The following MTUS2 variants were observed in gnomAD, a reference collection of about 807,000 sequenced individuals.
MTUS2 encodes the protein microtubule associated scaffold protein 2, also known as microtubule-associated tumor suppressor candidate 2.
Under a neutral mutation model 114.1 loss-of-function variants are expected in MTUS2, and 40 were observed. The ratio of observed to expected loss-of-function variants is 0.35; its 90% CI spans 0.27 to 0.46. The LOEUF (loss-of-function observed/expected upper bound fraction) is 0.46, where lower values mean the gene tolerates loss of function less well. Among genes scored for constraint, MTUS2 ranks in the 20% least tolerant of loss-of-function variants. MTUS2 has a pLI of 1.00. For synonymous variants in MTUS2, 688 were observed against 672.0 expected (o/e 1.02, Z -0.37); for missense variants, 1,679 against 1,705.4 (o/e 0.98, Z 0.27).
chr13:28,897,276 CA>C (rs1182658318), intron 2 of MTUS2, among the ~76,000 whole-genome samples: 1 of 152,112 alleles, frequency 6.6e-6, no homozygotes, highest in Admixed American at 6.6e-5. Flanking sequence ...GACATTTATG[CA>C]GCCAAAAAAC....
chr13:29,444,412 CAA>C (rs1247124488), intron 9 of MTUS2, among the ~76,000 whole-genome samples: 4 of 152,044 alleles, frequency 2.6e-5, no homozygotes, highest in Non-Finnish European at 5.9e-5. Flanking sequence ...GCCTGGGCAA[CAA>C]GAGCAAAACT....
chr13:28,964,073 C>T (rs1011462873), intron 2 of MTUS2, among the ~76,000 whole-genome samples: 2 of 152,216 alleles, frequency 1.3e-5, no homozygotes, highest in African/African-American at 2.4e-5. Context: ...CTAACCATTC[C>T]ACTGAGCTCC....
intron 2 of MTUS2, among the ~76,000 whole-genome samples, chr13:28,912,778 G>T (rs1423494340): frequency 1.3e-5 from 2 of 151,916 alleles, no homozygotes; most frequent in African/African-American, 4.8e-5. Flanking sequence ...TCTTTTTGTA[G>T]CAATTGTGAA....
chr13:29,479,320 C>G (rs1176104358), intron 9 of MTUS2, among the ~76,000 whole-genome samples: 1 of 152,178 alleles, frequency 6.6e-6, no homozygotes, highest in African/African-American at 2.4e-5. Context: ...GTCTTGGAAG[C>G]AGGTGTGCAG....
chr13:29,140,837 G>T (rs924678381), intron 5 of MTUS2, among the ~76,000 whole-genome samples: 1 of 152,154 alleles, frequency 6.6e-6, no homozygotes, highest in Non-Finnish European at 1.5e-5. Flanking sequence ...CTGTGTGTCT[G>T]CAGGTGATAC....
intron 2 of MTUS2, among the ~76,000 whole-genome samples, chr13:29,024,177 T>C (rs56229632): frequency 0.079 from 11,996 of 152,252 alleles, 636 homozygotes; most frequent in African/African-American, 0.14. Context: ...TTACTTCTCC[T>C]CCATCCTTTT....
chr13:29,456,434 A>T (rs1879114861), intron 9 of MTUS2, among the ~76,000 whole-genome samples: 1 of 152,190 alleles, frequency 6.6e-6, no homozygotes. Flanking sequence ...GAAGGGAAAA[A>T]ATACTTGAAG....
At chr13:29,049,623 G>A (rs887918933) in intron 4 of MTUS2, among the ~76,000 whole-genome samples, 1 of 152,206 alleles carries the variant, frequency 6.6e-6, no homozygotes, top group Non-Finnish European at 1.5e-5. Flanking sequence ...CACCTAAAGA[G>A]GATGCCTTCA....
chr13:29,276,112 T>C (rs936980213), intron 5 of MTUS2, among the ~76,000 whole-genome samples: 3 of 152,216 alleles, frequency 2.0e-5, no homozygotes, highest in Admixed American at 6.5e-5. Flanking sequence ...GAGATTTTGA[T>C]AGATGCAGTT....
At chr13:28,871,531 T>TC (rs1566188791) in intron 2 of MTUS2, among the ~76,000 whole-genome samples, 1 of 152,222 alleles carries the variant, frequency 6.6e-6, no homozygotes, top group Non-Finnish European at 1.5e-5. Flanking sequence ...TTACATTCAT[T>TC]CATTTACCCC....
At chr13:29,146,807 G>A (rs191383990) in intron 5 of MTUS2, among the ~76,000 whole-genome samples, 1 of 152,202 alleles carries the variant, frequency 6.6e-6, no homozygotes, top group African/African-American at 2.4e-5. Flanking sequence ...CCTGTGACAT[G>A]GGAAGCACAA....
chr13:28,898,016 A>G (rs1003832344), intron 2 of MTUS2, among the ~76,000 whole-genome samples: 25 of 152,120 alleles, frequency 1.6e-4, no homozygotes, highest in African/African-American at 5.3e-4. Context: ...TAACCTGCAC[A>G]TTGTGCACAT....
chr13:29,457,048 G>A (rs935230339), intron 9 of MTUS2, among the ~76,000 whole-genome samples: 1 of 151,824 alleles, frequency 6.6e-6, no homozygotes. Flanking sequence ...GGGAGGCTGA[G>A]GCAGGAGAAT....
intron 7 of MTUS2, among the ~76,000 whole-genome samples, chr13:29,331,908 C>G (rs1429185945): frequency 6.6e-6 from 1 of 152,114 alleles, no homozygotes; most frequent in Non-Finnish European, 1.5e-5. Context: ...AGGGATAAAG[C>G]CGAGTTGATC....
chr13:29,064,622 A>G (rs1888579041), intron 4 of MTUS2, among the ~76,000 whole-genome samples: 1 of 152,132 alleles, frequency 6.6e-6, no homozygotes, highest in Non-Finnish European at 1.5e-5. Context: ...TTTTGTGATC[A>G]CAATAAATTT....
intron 8 of MTUS2, among the ~76,000 whole-genome samples, chr13:29,389,331 A>ATATGTGTATATATGTATACACATGTGTG (rs1566172365): frequency 1.4e-5 from 1 of 69,248 alleles, no homozygotes; most frequent in African/African-American, 4.0e-5. Context: ...ATATGTGTGT[A>ATATGTGTATATATGTATACACATGTGTG]TATATGTATG....
chr13:28,887,300 GT>G (rs1878647804), intron 2 of MTUS2, among the ~76,000 whole-genome samples: 1 of 152,128 alleles, frequency 6.6e-6, no homozygotes, highest in African/African-American at 2.4e-5. Context: ...GCTGACTGCT[GT>G]CTTCCAGATA....
chr13:29,146,804 C>T (rs968694721), intron 5 of MTUS2, among the ~76,000 whole-genome samples: 1 of 152,126 alleles, frequency 6.6e-6, no homozygotes, highest in African/African-American at 2.4e-5. Context: ...CTACCTGTGA[C>T]ATGGGAAGCA....
intron 6 of MTUS2, among the ~76,000 whole-genome samples, chr13:29,284,570 A>T (rs1287229020): frequency 6.6e-6 from 1 of 152,228 alleles, no homozygotes; most frequent in Non-Finnish European, 1.5e-5. Flanking sequence ...CTAAAACTCA[A>T]AAATGAAATT....
Sources: gnomAD v4.1 joint callset for allele counts (sites outside exome capture counted in the v4.1 genomes callset) on GRCh38, gnomAD v4.1.1 for gene constraint, MANE v1.5 for transcripts, NCBI Gene and HGNC (gene_info 2026-07-23, HGNC 2026-07-21) for gene names.